The following ADAMTS18 variants were observed in gnomAD, a reference collection of about 807,000 sequenced individuals.
ADAMTS18 encodes ADAM metallopeptidase with thrombospondin type 1 motif 18.
ADAMTS18 carries 157 observed loss-of-function variants against 165.9 expected under a neutral mutation model. That is an observed-to-expected ratio of 0.95 (90% CI 0.83 to 1.08). ADAMTS18 has a LOEUF of 1.08. Among genes scored for constraint, ADAMTS18 ranks in the 50% least tolerant of loss-of-function variants. The pLI, the probability that ADAMTS18 is intolerant of heterozygous loss-of-function variation, is 0.00. For synonymous variants in ADAMTS18, 782 were observed against 578.2 expected (o/e 1.35, Z -5.06); for missense variants, 2,040 against 1,534.0 (o/e 1.33, Z -5.51).
At chr16:77,395,829 G>T (rs1471320372) in intron 3 of ADAMTS18, among the ~76,000 whole-genome samples, 1 of 152,056 alleles carries the variant, frequency 6.6e-6, no homozygotes, top group African/African-American at 2.4e-5. Context: ...AAGCCTTTTG[G>T]TATTTTTAGG....
At chr16:77,356,203 G>T in intron 8 of ADAMTS18, 126 bp from the exon 9 acceptor site, 1 of 1,315,278 alleles carries the variant, frequency 7.6e-7, no homozygotes, top group Non-Finnish European at 1.1e-6. Context: ...TATTAAAACT[G>T]GAAAAGAGAA....
chr16:77,305,481 A>G (rs1035422145), intron 16 of ADAMTS18, among the ~76,000 whole-genome samples: 5 of 152,224 alleles, frequency 3.3e-5, no homozygotes, highest in African/African-American at 9.6e-5. Flanking sequence ...ATTTCAAGAC[A>G]GTGACAGTGA....
intron 16 of ADAMTS18, among the ~76,000 whole-genome samples, chr16:77,304,536 C>T (rs2055647389): frequency 6.6e-6 from 1 of 152,220 alleles, no homozygotes; most frequent in East Asian, 1.9e-4. Context: ...CAAACTGTTA[C>T]ACTGTGTTTC....
Position 77,428,935 on chromosome 16 carries a change from G to A in ADAMTS18, c.495+2360C>T, listed in dbSNP as rs370884342. On this transcript the variant is annotated intron_variant, in intron 3 of 22. Coordinates refer to ENST00000282849, the MANE Select transcript of ADAMTS18 (RefSeq NM_199355.4). Reference sequence around the variant, plus strand: ...TGTATCCAACAGAATGTGTCCATACGTTCATCAAAATGCATATACAAGAAT... The same window carrying A: ...TGTATCCAACAGAATGTGTCCATACATTCATCAAAATGCATATACAAGAAT... 5.9e-5 allele frequency among the ~76,000 whole-genome samples: 9 copies of A among 152,156 alleles called. No individual in the cohort carries two copies. The South Asian group carries it at 1.5e-3, about 25-fold the overall frequency.
chr16:77,366,670 T>C (rs1195223465), intron 4 of ADAMTS18, among the ~76,000 whole-genome samples: 2 of 152,226 alleles, frequency 1.3e-5, no homozygotes, highest in Non-Finnish European at 2.9e-5. Flanking sequence ...TTGACCTTAA[T>C]TTTATACAAG....
chr16:77,287,810 T>C (rs1206331492), intron 22 of ADAMTS18, among the ~76,000 whole-genome samples: 1 of 152,134 alleles, frequency 6.6e-6, no homozygotes, highest in Non-Finnish European at 1.5e-5. Context: ...ATATGCACCC[T>C]ATGACTCCCC....
chr16:77,431,205 C>G (rs748760720), intron 3 of ADAMTS18, 90 bp downstream of exon 3: 1 of 1,405,046 alleles, frequency 7.1e-7, no homozygotes, highest in Non-Finnish European at 1.0e-6. Context: ...GTGGAGTTGG[C>G]TGGAAGAGCA....
chr16:77,312,357 C>T (rs887758048), intron 16 of ADAMTS18, among the ~76,000 whole-genome samples: 2 of 152,058 alleles, frequency 1.3e-5, no homozygotes, highest in African/African-American at 2.4e-5. Context: ...CCTGCCTCAG[C>T]CTCCCCAGTA....
rs950888378 is a variant in ADAMTS18, at chr16:77,363,936, G to A, written c.973-51C>T. The A allele has an allele frequency of 3.9e-6, 6 of 1,552,482 alleles. No homozygotes were observed. The African/African-American group carries it at 5.4e-5, about 14-fold the overall frequency. On this transcript the variant is annotated intron_variant, in intron 5 of 22. Transcript: ENST00000282849. ...AAATCTCAAAATTTTCAAAACCTTA[G>A]GGGGAATCAATCAGACATATTGACT...
chr16:77,286,135 C>G (rs554917301), intron 22 of ADAMTS18, among the ~76,000 whole-genome samples: 26 of 152,280 alleles, frequency 1.7e-4, no homozygotes, highest in African/African-American at 6.3e-4. Flanking sequence ...TGCCATTCCT[C>G]AATTAGATTA....
At chr16:77,383,166 T>G (rs1159268842) in intron 3 of ADAMTS18, among the ~76,000 whole-genome samples, 1 of 152,078 alleles carries the variant, frequency 6.6e-6, no homozygotes, top group African/African-American at 2.4e-5. Flanking sequence ...TTAGCAGTGG[T>G]CTCCTATCTC....
In ADAMTS18 at chr16:77,291,314, ATGGGC is replaced by A. The variant is rs1247477115; in HGVS notation, c.3349_3353del (p.Ala1117SerfsTer55). The A allele has an allele frequency of 1.2e-6, 2 of 1,614,154 alleles. No homozygotes were observed. Among genetic ancestry groups the A allele is most frequent in the Non-Finnish European group, 1.7e-6 (2 of 1,180,016 alleles). On this transcript the variant is annotated frameshift_variant, in exon 21 of 23. Coordinates refer to ENST00000282849, the MANE Select transcript of ADAMTS18 (RefSeq NM_199355.4). LOFTEE classifies it high-confidence loss of function. ...ATCCAGCTACCATGTTGTACACTGG[ATGGGC>A]TGGGCAAGCCCGTCGGTTGCAGGTC... is the stretch of plus-strand genomic sequence containing the variant.
intron 3 of ADAMTS18, among the ~76,000 whole-genome samples, chr16:77,402,998 A>G (rs1225891447): frequency 1.3e-5 from 2 of 152,228 alleles, no homozygotes; most frequent in South Asian, 4.1e-4. Flanking sequence ...TTTCACCATT[A>G]CCATAAATTA....
intron 3 of ADAMTS18, among the ~76,000 whole-genome samples, chr16:77,429,628 C>T (rs141918969): frequency 3.9e-5 from 6 of 152,112 alleles, no homozygotes; most frequent in African/African-American, 1.4e-4. Context: ...AATCTTCATA[C>T]AGAAAAATTT....
At chr16:77,310,173 T>C (rs1021653248) in intron 16 of ADAMTS18, among the ~76,000 whole-genome samples, 2 of 152,220 alleles carry the variant, frequency 1.3e-5, no homozygotes, top group Non-Finnish European at 2.9e-5. Flanking sequence ...TTTGCTTCCA[T>C]GTAAAATTTT....
chr16:77,392,979 T>C (rs912109945), intron 3 of ADAMTS18, among the ~76,000 whole-genome samples: 1 of 151,900 alleles, frequency 6.6e-6, no homozygotes, highest in Admixed American at 6.6e-5. Context: ...CAGGAAAATG[T>C]AGGCAGTAAA....
intron 12 of ADAMTS18, among the ~76,000 whole-genome samples, chr16:77,327,126 T>G (rs996499893): frequency 4.6e-5 from 7 of 152,228 alleles, no homozygotes; most frequent in African/African-American, 1.7e-4. Context: ...ATTCCATGCC[T>G]TTGCTATCAC....
At position 77,291,456 on chromosome 16, in the gene ADAMTS18, C is replaced by T. The variant is rs368466663; in HGVS notation, c.3212G>A (p.Gly1071Asp). 6.2e-7 allele frequency: 1 copy of T among 1,614,190 alleles called. No homozygotes were observed. The highest frequency in any genetic ancestry group is 1.1e-5 in the South Asian group (1 of 91,086). ...GCACTTCATCTCCCTCTTCCTCACA[C>T]CCAAACCACAGGTTGCAGAACACTA... ...WSECSATCGL[G>D]VRKREMKCSE... is the part of the protein sequence containing the mutation. Residue 1071 changes from glycine (G) to aspartate (D), a missense_variant, in exon 21 of 23, where the codon GGT (glycine) becomes GAT (aspartate). Coordinates refer to ENST00000282849, the MANE Select transcript of ADAMTS18 (RefSeq NM_199355.4).
At chr16:77,378,130 G>T (rs770888218) in intron 3 of ADAMTS18, among the ~76,000 whole-genome samples, 6 of 151,916 alleles carry the variant, frequency 3.9e-5, no homozygotes, top group Non-Finnish European at 8.8e-5. Flanking sequence ...GAGTTTATCA[G>T]CCTGGGAAAC....
Sources: gnomAD v4.1 joint callset for allele counts (sites outside exome capture counted in the v4.1 genomes callset) on GRCh38, gnomAD v4.1.1 for gene constraint, MANE v1.5 for transcripts, NCBI Gene and HGNC (gene_info 2026-07-23, HGNC 2026-07-21) for gene names.